KMO: variants seen among roughly 807,000 people sequenced by gnomAD.
The protein encoded by KMO is kynurenine 3-monooxygenase.
KMO carries 24 observed loss-of-function variants against 57.8 expected under a neutral mutation model. That is an observed-to-expected ratio of 0.42 (90% confidence interval 0.30 to 0.58). The LOEUF is 0.58. KMO is among the 20% of genes least tolerant of loss of function. KMO has a pLI of 0.22. For missense variants in KMO, 483 were observed against 588.2 expected, an observed-to-expected ratio of 0.82 and a Z score of 1.85; for synonymous variants, 210 against 193.6, an observed-to-expected ratio of 1.08 and a Z score of -0.70.
chr1:241,560,880 C>A (rs1661811250), intron 6 of KMO, 128 bp downstream of exon 6: 1 of 677,036 alleles, frequency 1.5e-6, no homozygotes, highest in Non-Finnish European at 2.6e-6. Context: ...CAAATAGTTT[C>A]TAGATTCAAG....
At chr1:241,590,846 A>G (rs1373798533) in intron 14 of KMO, among the ~76,000 whole-genome samples, 1 of 152,222 alleles carries the variant, frequency 6.6e-6, no homozygotes, top group Non-Finnish European at 1.5e-5. Flanking sequence ...GGATACAGAC[A>G]GTGGCACTGG....
intron 7 of KMO, among the ~76,000 whole-genome samples, chr1:241,563,975 T>C (rs948641090): frequency 2.0e-5 from 3 of 152,194 alleles, no homozygotes; most frequent in Non-Finnish European, 4.4e-5. Flanking sequence ...GCGAAGTAAT[T>C]GCTTTTCATA....
At chr1:241,553,425 A>T (rs1661487516) in intron 4 of KMO, among the ~76,000 whole-genome samples, 1 of 152,204 alleles carries the variant, frequency 6.6e-6, no homozygotes, top group African/African-American at 2.4e-5. Context: ...AGTGGCTGAC[A>T]CCTGTAATCC....
chr1:241,556,831 G>A (rs1378109505), intron 5 of KMO, among the ~76,000 whole-genome samples: 3 of 152,144 alleles, frequency 2.0e-5, no homozygotes, highest in African/African-American at 7.2e-5. Context: ...GGAGGTTGCA[G>A]TGAGCCGAGA....
In KMO at chr1:241,562,190, T is replaced by C; in HGVS notation, c.473T>C (p.Val158Ala). The C allele has an allele frequency of 6.2e-7, 1 of 1,613,996 alleles. No individual in the cohort carries two copies. Among genetic ancestry groups the C allele is most frequent in the Non-Finnish European group, 8.5e-7 (1 of 1,179,958 alleles). ...VLGSDKVPKDVTCDLIVGCDG... is the reference protein window; with the variant it reads ...VLGSDKVPKDATCDLIVGCDG... The stretch of plus-strand genomic sequence containing the variant: ...AGATCTGACAAAGTTCCCAAAGATG[T>C]CACTTGTGACCTCATTGTAGGATGT... Residue 158 changes from valine (V) to alanine (A), a missense_variant, in exon 7 of 15, where the codon GTC (valine) becomes GCC (alanine). By Grantham distance (64) the Val-to-Ala change is moderately conservative. This residue lies in a region of KMO where 410 missense variants were observed against 492.3 expected (regional missense o/e 0.83). Transcript: ENST00000366559.
intron 10 of KMO, among the ~76,000 whole-genome samples, chr1:241,576,466 A>T (rs1464387820): frequency 6.6e-6 from 1 of 152,088 alleles, no homozygotes; most frequent in Non-Finnish European, 1.5e-5. Flanking sequence ...GTAGTAAAAA[A>T]TTCCCTCAGC....
At chr1:241,571,180 G>T (rs10926519) in intron 10 of KMO, among the ~76,000 whole-genome samples, 69,510 of 127,744 alleles carry the variant, frequency 0.54, 17,169 homozygotes, top group Middle Eastern at 0.67. Context: ...TGTTTTTGGT[G>T]GAGTCTTTAG....
chr1:241,562,886 G>GGAAA (rs1661911914), intron 7 of KMO, among the ~76,000 whole-genome samples: 2 of 74,968 alleles, frequency 2.7e-5, no homozygotes, highest in Admixed American at 1.3e-4. Flanking sequence ...AAGGAAGGAA[G>GGAAA]GAAGGAAGGA....
intron 10 of KMO, among the ~76,000 whole-genome samples, chr1:241,585,230 A>ACATT (rs147764127): frequency 2.0e-5 from 3 of 151,024 alleles, no homozygotes; most frequent in African/African-American, 7.3e-5. Context: ...CTGCATTTCA[A>ACATT]AATTAATTAA....
chr1:241,544,111 G>A (rs1379594544), intron 1 of KMO, among the ~76,000 whole-genome samples: 3 of 152,158 alleles, frequency 2.0e-5, no homozygotes, highest in Non-Finnish European at 4.4e-5. Flanking sequence ...GGAGATGGAT[G>A]AATGGATTTC....
intron 14 of KMO, 166 bp downstream of exon 14, chr1:241,590,429 GA>G (rs1334309876): frequency 1.6e-5 from 9 of 569,956 alleles, no homozygotes; most frequent in African/African-American, 1.5e-4. Context: ...AGTGCTTACT[GA>G]AAAACATTAC....
intron 4 of KMO, among the ~76,000 whole-genome samples, chr1:241,554,281 T>C (rs201578419): frequency 5.5e-5 from 8 of 145,132 alleles, no homozygotes; most frequent in African/African-American, 2.1e-4. Context: ...CTTCCTTCCT[T>C]CCTCCCTTCT....
At chr1:241,566,737 T>C in intron 9 of KMO, 125 bp downstream of exon 9, 2 of 988,542 alleles carry the variant, frequency 2.0e-6, no homozygotes, top group Non-Finnish European at 3.1e-6. Context: ...GACAGAAACC[T>C]ACATTAGAGC....
At chr1:241,548,930 G>C in intron 2 of KMO, 32 bp downstream of exon 2, 1 of 1,458,362 alleles carries the variant, frequency 6.9e-7, no homozygotes, top group Non-Finnish European at 9.6e-7. Flanking sequence ...CAGGATGAAC[G>C]CTGGGCACGG....
rs555342088 is a variant in KMO at position 241,533,185 on chromosome 1, T to C, written c.54+687T>C. 7.9e-5 allele frequency among the ~76,000 whole-genome samples: 12 copies of C among 152,350 alleles called. No individual in the cohort carries two copies. The South Asian group carries it at 2.5e-3, about 32-fold the overall frequency. Reference sequence around the variant, plus strand: ...GTGCCAAAGGTAGTTCTGTTTAACATGGGTCTGCTCCGATTCAACTTTGCT... The same window carrying C: ...GTGCCAAAGGTAGTTCTGTTTAACACGGGTCTGCTCCGATTCAACTTTGCT... On this transcript the variant is annotated intron_variant, in intron 1 of 14. Coordinates refer to ENST00000366559, the MANE Select transcript of KMO (RefSeq NM_003679.5).
chr1:241,571,864 C>CTTT (rs34450394), intron 10 of KMO, among the ~76,000 whole-genome samples: 1,518 of 96,440 alleles, frequency 0.016, 27 homozygotes, highest in East Asian at 0.024. Context: ...ATATTAGTTC[C>CTTT]TTTTTTTTTT....
At chr1:241,536,478 C>A (rs1006255019) in intron 1 of KMO, 44 of 983,868 alleles carry the variant, frequency 4.5e-5, no homozygotes, top group Admixed American at 1.2e-4. Context: ...ACAGGTATGA[C>A]GAAAGTGATC....
rs779187246 is a variant in KMO at position 241,594,659 on chromosome 1, G to A, written c.*2506G>A. 1.5e-5 allele frequency: 25 copies of A among 1,613,950 alleles called. No individual in the cohort carries two copies. The highest frequency in any genetic ancestry group is 1.9e-5 in the Non-Finnish European group (23 of 1,179,956). ...CAGGCCTCTGGCACCTCAGCAGTCG[G>A]AGGCACAGAAGCTGCAAAAGGGATC... On this transcript the variant is annotated 3_prime_UTR_variant, in exon 15 of 15. Transcript: ENST00000366559.
rs1663454585 is a variant in KMO, at chr1:241,594,947, A to T, written c.*2794A>T. ...TGTAATCCTCCAAGCTTCAATCTGC[A>T]CACACTTTCTATGAGGGCAGGTACA... On this transcript the variant is annotated 3_prime_UTR_variant, in exon 15 of 15. Transcript: ENST00000366559. 4.9e-6 allele frequency: 2 copies of T among 409,284 alleles called. No individual in the cohort carries two copies. Among genetic ancestry groups the T allele is most frequent in the Middle Eastern group, 1.3e-3 (2 of 1,526 alleles). The allele number at this position is 409,284 out of a possible 1,614,324, so 25.4% of individuals were successfully genotyped here.
Sources: gnomAD v4.1 joint callset for allele counts (sites outside exome capture counted in the v4.1 genomes callset) on GRCh38, gnomAD v4.1.1 for gene constraint, gnomAD v4.1.1 regional missense constraint, MANE v1.5 for transcripts, NCBI Gene and HGNC (gene_info 2026-07-23, HGNC 2026-07-21) for gene names.